ST3GAL3: variants seen among roughly 807,000 people sequenced by gnomAD.
ST3GAL3 encodes ST3 beta-galactoside alpha-2,3-sialyltransferase 3.
Under a neutral mutation model 50.1 loss-of-function variants are expected in ST3GAL3, and 21 were observed. That is an observed-to-expected ratio of 0.42 (90% CI 0.30 to 0.60). ST3GAL3 has a LOEUF of 0.60. Ranked by LOEUF, ST3GAL3 falls within the 20% of genes least tolerant of loss-of-function variation. ST3GAL3 has a pLI of 0.19. For missense variants in ST3GAL3, 353 were observed against 489.4 expected (o/e 0.72, Z 2.63); for synonymous variants, 183 against 190.0 (o/e 0.96, Z 0.30).
chr1:43,793,458 A>G (rs2058329926), intron 3 of ST3GAL3, among the ~76,000 whole-genome samples: 1 of 152,232 alleles, frequency 6.6e-6, no homozygotes, highest in African/African-American at 2.4e-5. Context: ...GTGCTATCAA[A>G]TACTAGATCT....
intron 2 of ST3GAL3, among the ~76,000 whole-genome samples, chr1:43,741,290 G>A (rs183456770): frequency 1.1e-3 from 175 of 152,300 alleles, no homozygotes; most frequent in Non-Finnish European, 5.0e-4. Flanking sequence ...CTGTGGTCAC[G>A]CCACTGTACT....
intron 1 of ST3GAL3, among the ~76,000 whole-genome samples, chr1:43,722,355 A>G (rs1670904072): frequency 6.6e-6 from 1 of 152,228 alleles, no homozygotes; most frequent in Non-Finnish European, 1.5e-5. Flanking sequence ...GCAGGCTCAT[A>G]AAAAGATGAG....
chr1:43,817,594 C>G lies in ST3GAL3; in HGVS notation c.209+2661C>G, dbSNP rs375388185. Among the ~76,000 whole-genome samples, 60 of 74,024 alleles carry G rather than the reference C, an allele frequency of 8.1e-4. 4 individuals carry two copies. Among genetic ancestry groups the G allele is most frequent in the South Asian group, 1.8e-3 (4 of 2,270 alleles). 48.6% of individuals were successfully genotyped at this position (74,024 alleles called of 152,430 possible). A position where few individuals can be genotyped will look rare whatever the true frequency, so the allele number is the denominator to read the frequency against. On this transcript the variant is annotated intron_variant, in intron 4 of 11. Coordinates refer to ENST00000347631, the MANE Select transcript of ST3GAL3 (RefSeq NM_006279.5). ...TTCTTCTCCTTCTCCTCCTTCTCCT[C>G]CTCCCTTCTCCTTCTCCTCCTTCTC... is the stretch of plus-strand genomic sequence containing the variant.
chr1:43,777,499 A>G (rs1443932028), intron 2 of ST3GAL3, among the ~76,000 whole-genome samples: 1 of 152,246 alleles, frequency 6.6e-6, no homozygotes, highest in Admixed American at 6.5e-5. Flanking sequence ...CTGATCTTCT[A>G]CAAACCTGAC....
At chr1:43,743,508 T>A in intron 2 of ST3GAL3, 3 of 428,870 alleles carry the variant, frequency 7.0e-6, no homozygotes, top group South Asian at 5.0e-5. Flanking sequence ...TGGGGCAGAT[T>A]GGTTCTGTGG....
chr1:43,920,480 C>T lies in ST3GAL3; in HGVS notation c.821C>T (p.Pro274Leu). ...CCCCCTGAGATTCGAATCCTCAACC[C>T]ATATTTCATCCAGGAGGCCGCCTTC... ...KEPPEIRILNPYFIQEAAFTL... is the reference protein window; with the variant it reads ...KEPPEIRILNLYFIQEAAFTL... Residue 274 changes from proline (P) to leucine (L), a missense_variant, in exon 10 of 12, where the codon CCA (proline) becomes CTA (leucine). Coordinates refer to ENST00000347631, the MANE Select transcript of ST3GAL3 (RefSeq NM_006279.5). 1 of 1,614,202 alleles carries T rather than the reference C, an allele frequency of 6.2e-7. No homozygotes were observed. The highest frequency in any genetic ancestry group is 8.5e-7 in the Non-Finnish European group (1 of 1,180,042).
chr1:43,857,308 A>G (rs2068587233), intron 5 of ST3GAL3, among the ~76,000 whole-genome samples: 1 of 152,192 alleles, frequency 6.6e-6, no homozygotes, highest in Non-Finnish European at 1.5e-5. Flanking sequence ...TTTTGAAAAC[A>G]TTTATGGCAA....
At chr1:43,716,027 G>A (rs144503588) in intron 1 of ST3GAL3, among the ~76,000 whole-genome samples, 47 of 152,278 alleles carry the variant, frequency 3.1e-4, no homozygotes, top group Middle Eastern at 6.8e-3. Context: ...ATATAGTTAC[G>A]AGTTTTTGTG....
chr1:43,830,737 T>C (rs2063436906), intron 4 of ST3GAL3, among the ~76,000 whole-genome samples: 1 of 152,218 alleles, frequency 6.6e-6, no homozygotes, highest in Admixed American at 6.5e-5. Context: ...TTCCTGCACA[T>C]AGATGATGGA....
At chr1:43,736,466 T>C (rs911535848) in intron 2 of ST3GAL3, 86 bp downstream of exon 2, 5 of 1,612,496 alleles carry the variant, frequency 3.1e-6, no homozygotes, top group Non-Finnish European at 4.2e-6. Flanking sequence ...CTCATATTCT[T>C]CAGAGATGGG....
chr1:43,844,504 G>A (rs1470519180), intron 5 of ST3GAL3, among the ~76,000 whole-genome samples: 1 of 152,146 alleles, frequency 6.6e-6, no homozygotes, highest in African/African-American at 2.4e-5. Context: ...CAGAAACTAG[G>A]GTCAGAGACT....
chr1:43,828,662 A>G (rs1232359720), intron 4 of ST3GAL3, among the ~76,000 whole-genome samples: 1 of 152,252 alleles, frequency 6.6e-6, no homozygotes. Flanking sequence ...AGATGTTTGC[A>G]TTATATGTCA....
rs547080609 is a variant in ST3GAL3 at position 43,744,886 on chromosome 1, G to A, written c.118+8506G>A. ...TGTGCCTGTAATCCCAGCTACTTGG[G>A]AGGCTGAGGCCTGAGAATCGCTTGA... On this transcript the variant is annotated intron_variant, in intron 2 of 11. Transcript: ENST00000347631. Among the ~76,000 whole-genome samples, 58 of 151,906 alleles carry A rather than the reference G, an allele frequency of 3.8e-4. 1 individual carries two copies. In the South Asian group the frequency reaches 0.011, roughly 30 times the overall value.
chr1:43,910,208 A>G (rs1460990700), intron 9 of ST3GAL3, among the ~76,000 whole-genome samples: 1 of 152,172 alleles, frequency 6.6e-6, no homozygotes, highest in African/African-American at 2.4e-5. Context: ...TATGTGAGTT[A>G]TGGTCTCACT....
At chr1:43,895,810 T>G (rs2077309365) in intron 6 of ST3GAL3, among the ~76,000 whole-genome samples, 1 of 152,152 alleles carries the variant, frequency 6.6e-6, no homozygotes, top group African/African-American at 2.4e-5. Context: ...TCTTCTCTCT[T>G]GAATCTGCAC....
intron 5 of ST3GAL3, chr1:43,839,094 T>A (rs2064919865): frequency 6.5e-6 from 1 of 152,894 alleles, no homozygotes; most frequent in South Asian, 2.1e-4. Flanking sequence ...TTGCCTCCCA[T>A]CCCTTAGAAG....
intron 1 of ST3GAL3, among the ~76,000 whole-genome samples, chr1:43,729,748 A>G (rs1025981958): frequency 2.0e-5 from 3 of 152,262 alleles, no homozygotes; most frequent in Admixed American, 2.0e-4. Context: ...GTTGAAGGAC[A>G]TTTGGAGTAC....
chr1:43,886,460 A>C (rs954190135), intron 5 of ST3GAL3, among the ~76,000 whole-genome samples: 3 of 152,242 alleles, frequency 2.0e-5, no homozygotes, highest in African/African-American at 7.2e-5. Context: ...CATTATATGT[A>C]TCACAACATC....
At chr1:43,879,286 G>A (rs1036583746) in intron 5 of ST3GAL3, 19 of 456,148 alleles carry the variant, frequency 4.2e-5, no homozygotes, top group African/African-American at 2.6e-4. Context: ...GAGGTGAGAC[G>A]TGAGCATTGG....
Sources: allele counts gnomAD v4.1 joint callset (sites outside exome capture counted in the v4.1 genomes callset), GRCh38; gene constraint gnomAD v4.1.1; transcripts MANE v1.5; gene names NCBI Gene and HGNC (gene_info 2026-07-23, HGNC 2026-07-21).